The following BTBD9 variants were observed in gnomAD, a reference collection of about 807,000 sequenced individuals.
BTBD9 encodes the protein BTB/POZ domain-containing protein 9.
BTBD9 carries 49 observed loss-of-function variants against 64.3 expected under a neutral mutation model. That is an observed-to-expected ratio of 0.76 (90% CI 0.61 to 0.97). The LOEUF is 0.97. Among genes scored for constraint, BTBD9 ranks in the 50% least tolerant of loss-of-function variants. The pLI is 0.00. For missense variants in BTBD9, 598 were observed against 762.1 expected, an observed-to-expected ratio of 0.78 and a Z score of 2.53; for synonymous variants, 260 against 274.7, an observed-to-expected ratio of 0.95 and a Z score of 0.53.
At chr6:38,355,380 T>G (rs1435239369) in intron 6 of BTBD9, among the ~76,000 whole-genome samples, 3 of 152,170 alleles carry the variant, frequency 2.0e-5, no homozygotes, top group Non-Finnish European at 4.4e-5. Flanking sequence ...TCTGGTGGAT[T>G]AGCAAGCAGG....
At chr6:38,450,649 G>C (rs1769494817) in intron 6 of BTBD9, among the ~76,000 whole-genome samples, 1 of 152,168 alleles carries the variant, frequency 6.6e-6, no homozygotes, top group Admixed American at 6.5e-5. Context: ...AGTACTAACT[G>C]AATGTCCAGG....
chr6:38,246,773 C>G (rs910980837), intron 9 of BTBD9, among the ~76,000 whole-genome samples: 1 of 152,166 alleles, frequency 6.6e-6, no homozygotes, highest in Non-Finnish European at 1.5e-5. Flanking sequence ...CTAGAAGGAA[C>G]AAGCAAACAT....
chr6:38,498,767 C>T (rs1173250509), intron 6 of BTBD9, among the ~76,000 whole-genome samples: 1 of 152,182 alleles, frequency 6.6e-6, no homozygotes, highest in Non-Finnish European at 1.5e-5. Flanking sequence ...GATGTGTGTA[C>T]CCTCTACTTT....
rs1766968174 is a variant in BTBD9 at position 38,402,359 on chromosome 6, A to G, written c.1155-57266T>C. 1.3e-5 allele frequency among the ~76,000 whole-genome samples: 2 copies of G among 152,094 alleles called. 1 individual carries two copies. Among genetic ancestry groups the G allele is most frequent in the South Asian group, 4.2e-4 (2 of 4,780 alleles). ...CAACCTGATCCTAAAATTCATATGGAAAGAACCCAGAATAGCCAAAACAAT... is the reference window on the plus strand; with the variant it reads ...CAACCTGATCCTAAAATTCATATGGGAAGAACCCAGAATAGCCAAAACAAT... On this transcript the variant is annotated intron_variant, in intron 6 of 10. Coordinates refer to ENST00000481247, the MANE Select transcript of BTBD9 (RefSeq NM_001099272.2).
At chr6:38,378,115 G>T (rs753753118) in intron 6 of BTBD9, among the ~76,000 whole-genome samples, 3 of 152,064 alleles carry the variant, frequency 2.0e-5, no homozygotes. Context: ...CGACTCTCGG[G>T]GAACCCTCCC....
rs148340740 is a variant in BTBD9, at chr6:38,514,642, G to A, written c.1154+62958C>T. On this transcript the variant is annotated intron_variant, in intron 6 of 10. Transcript: ENST00000481247. ...TCACAGAACCAACCACTCATTAAAGGTTAGGGCAGGAAGGGGAAAATAAAT... is the reference window on the plus strand; with the variant it reads ...TCACAGAACCAACCACTCATTAAAGATTAGGGCAGGAAGGGGAAAATAAAT... 4.7e-3 allele frequency among the ~76,000 whole-genome samples: 709 copies of A among 152,294 alleles called. 5 individuals are homozygous for A. Among genetic ancestry groups the A allele is most frequent in the African/African-American group, 0.016 (668 of 41,570 alleles).
intron 6 of BTBD9, among the ~76,000 whole-genome samples, chr6:38,527,158 C>T (rs1227913888): frequency 1.4e-5 from 2 of 146,602 alleles, no homozygotes; most frequent in Non-Finnish European, 3.0e-5. Flanking sequence ...TACCTGTAAT[C>T]CCAGCTACCT....
chr6:38,487,161 T>G (rs1582512409), intron 6 of BTBD9, among the ~76,000 whole-genome samples: 3 of 152,350 alleles, frequency 2.0e-5, no homozygotes, highest in Admixed American at 2.0e-4. Flanking sequence ...AGATTCCATC[T>G]TTGAGCTTTT....
intron 10 of BTBD9, among the ~76,000 whole-genome samples, 178 bp downstream of exon 10, chr6:38,192,341 G>A (rs1246654411): frequency 1.3e-5 from 2 of 152,182 alleles, no homozygotes; most frequent in African/African-American, 4.8e-5. Flanking sequence ...CTAATGAAGA[G>A]ATATCCAAAA....
chr6:38,597,528 G>C (rs1777087076), intron 2 of BTBD9, among the ~76,000 whole-genome samples: 3 of 152,158 alleles, frequency 2.0e-5, no homozygotes, highest in Admixed American at 2.0e-4. Context: ...AAACCAAGGG[G>C]TATATGTGTC....
chr6:38,439,110 CTTTTTTTTTTT>C (rs35699356), intron 6 of BTBD9, among the ~76,000 whole-genome samples: 2 of 64,052 alleles, frequency 3.1e-5, no homozygotes, highest in East Asian at 6.5e-4. Flanking sequence ...TAGCAACTGA[CTTTTTTTTTTT>C]TTTTTTTTTT....
chr6:38,211,186 T>C (rs1221163892), intron 9 of BTBD9, among the ~76,000 whole-genome samples: 3 of 151,628 alleles, frequency 2.0e-5, no homozygotes, highest in Admixed American at 6.6e-5. Context: ...TCCCAGCACT[T>C]TGGGAGGCCG....
chr6:38,514,486 T>G (rs1421352851), intron 6 of BTBD9, among the ~76,000 whole-genome samples: 2 of 146,752 alleles, frequency 1.4e-5, no homozygotes, highest in South Asian at 4.5e-4. Flanking sequence ...GAATAAAGCA[T>G]GAATGAAATA....
intron 6 of BTBD9, among the ~76,000 whole-genome samples, chr6:38,523,524 C>T (rs1260168272): frequency 6.6e-6 from 1 of 152,024 alleles, no homozygotes; most frequent in Non-Finnish European, 1.5e-5. Context: ...GAGCTCTGTC[C>T]CAACCAAACC....
rs6906771 is a variant in BTBD9 at position 38,174,943 on chromosome 6, G to A, written c.*42C>T. ...CTCAGGGAGGAGACCGTTTCCTGCC[G>A]TTGCCCGAGCCCACCAAGTCACACC... On this transcript the variant is annotated 3_prime_UTR_variant, in exon 11 of 11. Coordinates refer to ENST00000481247, the MANE Select transcript of BTBD9 (RefSeq NM_001099272.2). The A allele has an allele frequency of 0.014, 21,666 of 1,604,624 alleles. 2,063 individuals carry two copies. The African/African-American group carries it at 0.23, about 17-fold the overall frequency.
At chr6:38,425,742 T>C (rs1315031676) in intron 6 of BTBD9, among the ~76,000 whole-genome samples, 2 of 149,126 alleles carry the variant, frequency 1.3e-5, no homozygotes, top group Non-Finnish European at 3.0e-5. Flanking sequence ...ACCCCATCAC[T>C]ACCAATAACT....
At position 38,439,525 on chromosome 6, in the gene BTBD9, C is replaced by T. The variant is rs537758222; in HGVS notation, c.1155-94432G>A. On this transcript the variant is annotated intron_variant, in intron 6 of 10. Transcript: ENST00000481247. ...CACTGCAACCTCTGCCTCCCGGGCTCAAGTGATTCTCCTGCCTCAGCCTCC... is the reference window on the plus strand; with the variant it reads ...CACTGCAACCTCTGCCTCCCGGGCTTAAGTGATTCTCCTGCCTCAGCCTCC... 4.6e-5 allele frequency among the ~76,000 whole-genome samples: 7 copies of T among 152,158 alleles called. 2 individuals are homozygous for T. In the South Asian group the frequency reaches 1.5e-3, roughly 32 times the overall value.
At chr6:38,483,020 A>G (rs1168590054) in intron 6 of BTBD9, among the ~76,000 whole-genome samples, 2 of 151,980 alleles carry the variant, frequency 1.3e-5, no homozygotes, top group African/African-American at 4.8e-5. Flanking sequence ...CACGGCCCCT[A>G]CAAAGATCCA....
At chr6:38,419,004 T>C (rs1408948519) in intron 6 of BTBD9, among the ~76,000 whole-genome samples, 1 of 152,172 alleles carries the variant, frequency 6.6e-6, no homozygotes, top group East Asian at 1.9e-4. Context: ...TGATAACCAC[T>C]GTTGTGAAGC....
Sources: allele counts gnomAD v4.1 joint callset (sites outside exome capture counted in the v4.1 genomes callset), GRCh38; gene constraint gnomAD v4.1.1; transcripts MANE v1.5; gene names NCBI Gene and HGNC (gene_info 2026-07-23, HGNC 2026-07-21).